Variants in OXR1 observed in about 807,000 individuals in gnomAD.
The protein encoded by OXR1 is oxidation resistance protein 1.
OXR1 carries 41 observed loss-of-function variants against 104.6 expected under a neutral mutation model. The ratio of observed to expected loss-of-function variants is 0.39; its 90% CI spans 0.31 to 0.51. The LOEUF (loss-of-function observed/expected upper bound fraction) is 0.51. Among genes scored for constraint, OXR1 ranks in the 20% least tolerant of loss-of-function variants. The probability of loss-of-function intolerance (pLI) is 0.77; values close to 1 mark genes in which losing one functional copy is unlikely to be tolerated. For synonymous variants in OXR1, 348 were observed against 348.4 expected, an observed-to-expected ratio of 1.00 and a Z score of 0.01; for missense variants, 955 against 1,031.9, an observed-to-expected ratio of 0.93 and a Z score of 1.02.
chr8:106,507,906 C>T (rs766217002), intron 2 of OXR1, among the ~76,000 whole-genome samples: 4 of 152,148 alleles, frequency 2.6e-5, no homozygotes, highest in Non-Finnish European at 5.9e-5. Flanking sequence ...CTCATGCCTC[C>T]CCAGAGGAAG....
chr8:106,692,801 C>T lies in OXR1; in HGVS notation c.599C>T (p.Ser200Phe), dbSNP rs374941746. Residue 200 changes from serine to phenylalanine, a missense_variant, in exon 7 of 17, where the codon TCT becomes TTT. Ser to Phe is a radical substitution (Grantham distance 155, BLOSUM62 -2). This residue lies in a region of OXR1 where 849 missense variants were observed against 852.9 expected (regional missense o/e 1.00). Transcript: ENST00000517566. ...GGTATTCGACCTGCACGAGTTGTAT[C>T]TTCAACTTCTGAGGAGGAGGAAGCA... ...FTGIRPARVV[S>F]STSEEEEAFT... is the part of the protein sequence containing the mutation. The T allele has an allele frequency of 4.4e-6, 7 of 1,601,920 alleles. No homozygotes were observed. The highest frequency in any genetic ancestry group is 6.0e-6 in the Non-Finnish European group (7 of 1,171,256).
chr8:106,633,181 G>A (rs1432111050), intron 3 of OXR1, among the ~76,000 whole-genome samples: 8 of 147,002 alleles, frequency 5.4e-5, no homozygotes, highest in Admixed American at 2.0e-4. Context: ...GCAGTGAGCC[G>A]AGATTGCGCC....
intron 2 of OXR1, among the ~76,000 whole-genome samples, chr8:106,381,070 A>C (rs1817128692): frequency 6.6e-6 from 1 of 152,166 alleles, no homozygotes; most frequent in East Asian, 1.9e-4. Context: ...TTTTTGCTTG[A>C]AATTTGTTGA....
chr8:106,596,323 G>A (rs1406519049), intron 3 of OXR1, among the ~76,000 whole-genome samples: 2 of 152,110 alleles, frequency 1.3e-5, no homozygotes. Flanking sequence ...GTGTGTGTCT[G>A]TAATCCCTGC....
At chr8:106,433,379 A>G (rs1819440997) in intron 2 of OXR1, among the ~76,000 whole-genome samples, 1 of 152,192 alleles carries the variant, frequency 6.6e-6, no homozygotes, top group African/African-American at 2.4e-5. Context: ...TGTTACCCCC[A>G]GGAGCAATTT....
chr8:106,429,444 G>A (rs1219577929), intron 2 of OXR1, among the ~76,000 whole-genome samples: 2 of 152,130 alleles, frequency 1.3e-5, no homozygotes, highest in African/African-American at 2.4e-5. Flanking sequence ...TGGATCACCT[G>A]AGGTCAGGAG....
At chr8:106,273,736 C>G (rs1811911360) in intron 1 of OXR1, among the ~76,000 whole-genome samples, 1 of 152,144 alleles carries the variant, frequency 6.6e-6, no homozygotes, top group African/African-American at 2.4e-5. Context: ...TTCAAAAACA[C>G]TTGTTTTAAG....
intron 2 of OXR1, among the ~76,000 whole-genome samples, chr8:106,482,882 G>C (rs1822221551): frequency 6.6e-6 from 1 of 151,996 alleles, no homozygotes. Context: ...AATGAGTACA[G>C]AGTGTCTTAC....
At chr8:106,503,487 G>A (rs1416020296) in intron 2 of OXR1, among the ~76,000 whole-genome samples, 3 of 152,198 alleles carry the variant, frequency 2.0e-5, no homozygotes, top group African/African-American at 7.2e-5. Flanking sequence ...TGTTGTTGAT[G>A]TTCTGGGAAT....
chr8:106,432,318 A>G (rs1054464386), intron 2 of OXR1, among the ~76,000 whole-genome samples: 3 of 152,086 alleles, frequency 2.0e-5, no homozygotes, highest in Non-Finnish European at 2.9e-5. Flanking sequence ...CATGGTCTCC[A>G]TCATACCTGA....
intron 1 of OXR1, among the ~76,000 whole-genome samples, chr8:106,359,068 T>G (rs1298299378): frequency 2.7e-5 from 2 of 75,432 alleles, no homozygotes; most frequent in Non-Finnish European, 6.2e-5. Context: ...TCTTTCTTTC[T>G]TTCTTTCTTT....
chr8:106,540,211 GAGCAC>G (rs1187376190), intron 3 of OXR1, among the ~76,000 whole-genome samples: 1 of 152,040 alleles, frequency 6.6e-6, no homozygotes, highest in East Asian at 1.9e-4. Flanking sequence ...AAGGAATCAG[GAGCAC>G]AGAGATACAT....
chr8:106,377,844 C>T (rs1334390756), intron 2 of OXR1, among the ~76,000 whole-genome samples: 2 of 152,178 alleles, frequency 1.3e-5, no homozygotes, highest in African/African-American at 4.8e-5. Context: ...TTTAACTTTA[C>T]TCTAGGCATG....
At chr8:106,698,041 G>C (rs1411032609) in intron 7 of OXR1, 2 of 1,534,838 alleles carry the variant, frequency 1.3e-6, no homozygotes, top group Admixed American at 3.3e-5. Flanking sequence ...GCTGCGGGGA[G>C]CGTTCAAACG....
chr8:106,300,214 C>T (rs963469505), intron 1 of OXR1, among the ~76,000 whole-genome samples: 3 of 152,108 alleles, frequency 2.0e-5, no homozygotes, highest in African/African-American at 7.2e-5. Context: ...TTCTCACTGG[C>T]ACCTCTGACT....
chr8:106,730,486 T>C (rs1833785247), intron 11 of OXR1, among the ~76,000 whole-genome samples: 1 of 152,208 alleles, frequency 6.6e-6, no homozygotes, highest in Non-Finnish European at 1.5e-5. Flanking sequence ...ATATAGTACG[T>C]AGCCTTTTCA....
At chr8:106,480,207 A>T (rs1822030499) in intron 2 of OXR1, among the ~76,000 whole-genome samples, 1 of 152,040 alleles carries the variant, frequency 6.6e-6, no homozygotes, top group Admixed American at 6.6e-5. Context: ...ACCTTGAAAG[A>T]TCAACTGATT....
intron 2 of OXR1, among the ~76,000 whole-genome samples, chr8:106,413,547 C>G (rs1563509801): frequency 2.0e-5 from 3 of 152,014 alleles, no homozygotes; most frequent in Admixed American, 1.3e-4. Flanking sequence ...ACTGAAAAGA[C>G]TTTTAGTAGG....
At chr8:106,670,227 A>T (rs1379483436) in intron 3 of OXR1, among the ~76,000 whole-genome samples, 2 of 152,176 alleles carry the variant, frequency 1.3e-5, no homozygotes, top group Non-Finnish European at 2.9e-5. Flanking sequence ...AGATAAACTG[A>T]AGTAGCTAGG....
Sources: gnomAD v4.1 joint callset for allele counts (sites outside exome capture counted in the v4.1 genomes callset) on GRCh38, gnomAD v4.1.1 for gene constraint, gnomAD v4.1.1 regional missense constraint, MANE v1.5 for transcripts, NCBI Gene and HGNC (gene_info 2026-07-23, HGNC 2026-07-21) for gene names.